TBCD: variants seen among roughly 807,000 people sequenced by gnomAD.
TBCD encodes the protein tubulin folding cofactor D, also known as tubulin-specific chaperone D.
Under a neutral mutation model 169.3 loss-of-function variants are expected in TBCD, and 105 were observed. The observed-to-expected ratio is 0.62, with a 90% CI of 0.53 to 0.73. The LOEUF is 0.73. Ranked by LOEUF, TBCD falls within the 30% of genes least tolerant of loss-of-function variation. The pLI is 0.00. For synonymous variants in TBCD, 700 were observed against 643.9 expected (o/e 1.09, Z -1.32); for missense variants, 1,444 against 1,600.1 (o/e 0.90, Z 1.66).
chr17:82,766,477 C>G lies in TBCD; in HGVS notation c.435+109C>G. On this transcript the variant is annotated intron_variant, in intron 4 of 38. Transcript: ENST00000355528. ...CCTTCCTGTTTCTTTCATTTTATCT[C>G]CCTTTGTTTTGTGTCACTCCTCTTT... 10 of 665,210 alleles carry G rather than the reference C, an allele frequency of 1.5e-5. No homozygotes were observed. In the South Asian group the frequency reaches 1.9e-4, roughly 12 times the overall value. 41.2% of individuals were successfully genotyped at this position (665,210 alleles called of 1,614,324 possible).
At chr17:82,935,848 C>G (rs1277233999) in intron 34 of TBCD, among the ~76,000 whole-genome samples, 1 of 152,230 alleles carries the variant, frequency 6.6e-6, no homozygotes, top group Non-Finnish European at 1.5e-5. Context: ...GGACCCCCCC[C>G]ATCGGGGTTC....
At chr17:82,911,462 A>T (rs1233622778) in intron 22 of TBCD, among the ~76,000 whole-genome samples, 1 of 152,188 alleles carries the variant, frequency 6.6e-6, no homozygotes, top group Non-Finnish European at 1.5e-5. Flanking sequence ...GTTTCTATAA[A>T]GTAAGAGCTG....
chr17:82,940,759 T>TA (rs3837807), intron 37 of TBCD, among the ~76,000 whole-genome samples: 2,534 of 151,534 alleles, frequency 0.017, 27 homozygotes, highest in African/African-American at 0.031. Context: ...ATGATTTTTT[T>TA]AAAAAAAAAC....
intron 13 of TBCD, among the ~76,000 whole-genome samples, chr17:82,843,231 C>T (rs1383834687): frequency 1.3e-5 from 2 of 152,108 alleles, no homozygotes; most frequent in African/African-American, 4.8e-5. Flanking sequence ...CTCTCATATG[C>T]CCAACGGTGG....
chr17:82,812,467 C>T (rs911640928), intron 12 of TBCD, among the ~76,000 whole-genome samples: 2 of 151,968 alleles, frequency 1.3e-5, no homozygotes, highest in African/African-American at 2.4e-5. Flanking sequence ...GACCCCAGAG[C>T]CCCCCCGCAG....
chr17:82,821,882 T>C (rs1176250015), intron 13 of TBCD, among the ~76,000 whole-genome samples: 8 of 152,220 alleles, frequency 5.3e-5, no homozygotes, highest in Non-Finnish European at 1.2e-4. Flanking sequence ...AAATGTATAA[T>C]ACATTTTATA....
intron 6 of TBCD, among the ~76,000 whole-genome samples, chr17:82,776,245 A>G (rs965943681): frequency 2.6e-5 from 4 of 152,170 alleles, no homozygotes; most frequent in East Asian, 1.9e-4. Flanking sequence ...CGCTGTATGC[A>G]GAAAAGTTGG....
intron 17 of TBCD, among the ~76,000 whole-genome samples, chr17:82,898,559 AT>A (rs910096197): frequency 1.0e-4 from 15 of 147,856 alleles, no homozygotes; most frequent in East Asian, 2.0e-4. Context: ...CTGCTACACT[AT>A]TTTTTTTTTA....
At position 82,814,887 on chromosome 17, in the gene TBCD, C is replaced by T; in HGVS notation, c.1271C>T (p.Ala424Val). Residue 424 changes from alanine (A) to valine (V), a missense_variant, in exon 13 of 39, where the codon GCA becomes GTA. By Grantham distance (64) the Ala-to-Val change is moderately conservative. Transcript: ENST00000355528. ...TGGCATGGGGGATGTCTGGCGCTGG[C>T]AGAGCTGGGCAGGAGAGGCCTGTTG... is the stretch of plus-strand genomic sequence containing the variant. ...KAWHGGCLAL[A>V]ELGRRGLLLP... The T allele has an allele frequency of 6.2e-7, 1 of 1,613,294 alleles. No homozygotes were observed. Among genetic ancestry groups the T allele is most frequent in the South Asian group, 1.1e-5 (1 of 90,994 alleles).
rs778809874 is a variant in TBCD at position 82,945,337 on chromosome 17, G to A, written c.*2874G>A. 2 of 152,232 alleles carry A rather than the reference G, an allele frequency of 1.3e-5. No homozygotes were observed. The highest frequency in any genetic ancestry group is 6.5e-5 in the Admixed American group (1 of 15,292). 9.4% of individuals were successfully genotyped at this position (152,232 alleles called of 1,614,324 possible). A position where few individuals can be genotyped will look rare whatever the true frequency, so the allele number is the denominator to read the frequency against. ...GGGTCTCAGAATGAAATGAAATGAT[G>A]CAGATATTCCATACTGACATGCAAC... On this transcript the variant is annotated 3_prime_UTR_variant, in exon 39 of 39. Coordinates refer to ENST00000355528, the MANE Select transcript of TBCD (RefSeq NM_005993.5).
In TBCD at chr17:82,832,155, C is replaced by T. The variant is rs35785432; in HGVS notation, c.1318+17221C>T. ...CCCTGGCAGAGCTGTGCTGAAGCTT[C>T]GAGTCGAAGGCAGAGAGTCCATTTG... On this transcript the variant is annotated intron_variant, in intron 13 of 38. Coordinates refer to ENST00000355528, the MANE Select transcript of TBCD (RefSeq NM_005993.5). The surrounding 1 kb of genome is among the most constrained non-coding windows in gnomAD (Gnocchi z 4.9). 5.6e-6 allele frequency: 9 copies of T among 1,614,186 alleles called. No homozygotes were observed. Among genetic ancestry groups the T allele is most frequent in the East Asian group, 4.5e-5 (2 of 44,882 alleles).
At chr17:82,907,229 A>G (rs2060313022) in intron 20 of TBCD, among the ~76,000 whole-genome samples, 1 of 152,214 alleles carries the variant, frequency 6.6e-6, no homozygotes, top group Admixed American at 6.5e-5. Context: ...CCCAGGTCTG[A>G]TCTCGCCAGG....
intron 2 of TBCD, among the ~76,000 whole-genome samples, chr17:82,760,775 A>G (rs1458375277): frequency 6.6e-6 from 1 of 152,184 alleles, no homozygotes; most frequent in Non-Finnish European, 1.5e-5. Flanking sequence ...CCCAACTCCC[A>G]TCAACAATTC....
chr17:82,899,141 C>T lies in TBCD; in HGVS notation c.1650-1510C>T, dbSNP rs74000184. ...GTGTGTCCTCAGTGCATGTGTCCTC[C>T]GCTAGTGTCCTCAGCGTGTCCGCAG... On this transcript the variant is annotated intron_variant, in intron 17 of 38. Coordinates refer to ENST00000355528, the MANE Select transcript of TBCD (RefSeq NM_005993.5). 8.5e-3 allele frequency among the ~76,000 whole-genome samples: 1,267 copies of T among 149,782 alleles called. 11 individuals carry two copies. Among genetic ancestry groups the T allele is most frequent in the African/African-American group, 0.028 (1,149 of 40,634 alleles).
chr17:82,803,133 C>A lies in TBCD; in HGVS notation c.950+2137C>A, dbSNP rs626637. Among the ~76,000 whole-genome samples, 39 of 152,334 alleles carry A rather than the reference C, an allele frequency of 2.6e-4. No homozygotes were observed. In the South Asian group the frequency reaches 7.9e-3, roughly 31 times the overall value. ...TCTTCTGTTGATGAGGACGGACTTA[C>A]GCTCTGACGGGCTGTTAGATTTCTG... On this transcript the variant is annotated intron_variant, in intron 9 of 38. Coordinates refer to ENST00000355528, the MANE Select transcript of TBCD (RefSeq NM_005993.5).
intron 15 of TBCD, among the ~76,000 whole-genome samples, chr17:82,885,695 G>A (rs1271696972): frequency 6.6e-6 from 1 of 152,134 alleles, no homozygotes; most frequent in African/African-American, 2.4e-5. Flanking sequence ...TTCATGGGAA[G>A]CAGTAATAAA....
intron 5 of TBCD, among the ~76,000 whole-genome samples, chr17:82,769,814 T>C (rs185944153): frequency 1.3e-5 from 2 of 150,248 alleles, no homozygotes; most frequent in South Asian, 2.1e-4. Flanking sequence ...GAGGTGGAGA[T>C]TGTAGTGAAC....
chr17:82,892,944 A>G (rs1347111676), intron 16 of TBCD: 1 of 152,218 alleles, frequency 6.6e-6, no homozygotes, highest in African/African-American at 2.4e-5. Flanking sequence ...CTCCCATGTC[A>G]GAGCCTCGGC....
chr17:82,941,564 G>A (rs1431528328), intron 38 of TBCD, 81 bp downstream of exon 38: 2 of 1,277,596 alleles, frequency 1.6e-6, no homozygotes, highest in Admixed American at 2.1e-5. Flanking sequence ...GCTGTGCTTA[G>A]CTTCTGCCAG....
Sources: gnomAD v4.1 joint callset for allele counts (sites outside exome capture counted in the v4.1 genomes callset) on GRCh38, gnomAD v4.1.1 for gene constraint, Gnocchi (gnomAD v3.1) non-coding constraint, MANE v1.5 for transcripts, NCBI Gene and HGNC (gene_info 2026-07-23, HGNC 2026-07-21) for gene names.